Variants in GLMN observed in about 807,000 individuals in gnomAD.
GLMN encodes glomulin, FKBP associated protein.
A neutral mutation model predicts 87.8 loss-of-function variants in GLMN; 75 were observed. The ratio of observed to expected loss-of-function variants is 0.85; its 90% CI spans 0.71 to 1.04. GLMN has a LOEUF of 1.04. Ranked by LOEUF, GLMN falls within the 50% of genes least tolerant of loss-of-function variation. GLMN has a pLI of 0.00. For synonymous variants in GLMN, 206 were observed against 221.6 expected (o/e 0.93, Z 0.63); for missense variants, 588 against 658.8 (o/e 0.89, Z 1.18).
Position 92,264,603 on chromosome 1 carries a change from T to C in GLMN, c.1250A>G (p.Glu417Gly). ...TTTGATATTTTGAATAATAAAAGCC[T>C]CCACACCTGAGTGATTACTTGTATT... is the stretch of plus-strand genomic sequence containing the variant. ...LLNTSNHSGV[E>G]AFIIQNIKNQ... Residue 417 changes from glutamate to glycine, a missense_variant, in exon 14 of 19, where the codon GAG (glutamate) becomes GGG (glycine). Physicochemically the swap from Glu to Gly is moderately conservative, Grantham distance 98. Coordinates refer to ENST00000370360, the MANE Select transcript of GLMN (RefSeq NM_053274.3). The C allele has an allele frequency of 6.3e-7, 1 of 1,593,170 alleles. No individual in the cohort carries two copies. Among genetic ancestry groups the C allele is most frequent in the Non-Finnish European group, 8.6e-7 (1 of 1,161,076 alleles).
chr1:92,349,805 G>A, the GLMN span, among the ~76,000 whole-genome samples: 1 of 152,114 alleles, frequency 6.6e-6, no homozygotes, highest in African/African-American at 2.4e-5. Flanking sequence ...GCATATGTCT[G>A]TAGTCCTAGC....
At chr1:92,369,790 T>C in the GLMN span, among the ~76,000 whole-genome samples, 2 of 152,168 alleles carry the variant, frequency 1.3e-5, no homozygotes, top group African/African-American at 4.8e-5. Flanking sequence ...GGGGAGTCAA[T>C]TTAACAAAAG....
intron 16 of GLMN, among the ~76,000 whole-genome samples, chr1:92,248,763 A>C (rs565240839): frequency 6.6e-6 from 1 of 150,936 alleles, no homozygotes; most frequent in South Asian, 2.1e-4. Context: ...TACTTGCAGC[A>C]TTCCAAATAA....
At chr1:92,254,137 C>A (rs1653913180) in intron 16 of GLMN, among the ~76,000 whole-genome samples, 1 of 152,024 alleles carries the variant, frequency 6.6e-6, no homozygotes, top group Non-Finnish European at 1.5e-5. Context: ...GTATCAATAG[C>A]TGAATCGATC....
intron 13 of GLMN, 71 bp from the exon 14 acceptor site, chr1:92,264,709 T>A: frequency 1.1e-6 from 1 of 878,298 alleles, no homozygotes; most frequent in African/African-American, 1.6e-5. Context: ...GATAAAAGTT[T>A]TACAAATTCA....
At chr1:92,291,665 A>G in intron 3 of GLMN, 128 bp from the exon 4 acceptor site, 1 of 873,652 alleles carries the variant, frequency 1.1e-6, no homozygotes, top group Non-Finnish European at 1.9e-6. Context: ...AGCCTATGAC[A>G]TTTCACCAGA....
chr1:92,263,019 TAGGTTTGCC>T (rs1169475119), intron 15 of GLMN, 93 bp from the exon 16 acceptor site: 4 of 609,934 alleles, frequency 6.6e-6, no homozygotes, highest in Non-Finnish European at 1.2e-5. Flanking sequence ...TTTTTATAAT[TAGGTTTGCC>T]AATAGAAACT....
intron 7 of GLMN, among the ~76,000 whole-genome samples, chr1:92,279,910 C>T (rs1200936444): frequency 1.3e-5 from 2 of 151,950 alleles, no homozygotes; most frequent in East Asian, 1.9e-4. Flanking sequence ...AAGGGGTGTC[C>T]GCCATTGCTG....
At chr1:92,333,512 TA>T in the GLMN span, 1 of 1,373,952 alleles carries the variant, frequency 7.3e-7, no homozygotes, top group Middle Eastern at 1.8e-4. Flanking sequence ...GTAGTAGTTT[TA>T]AATTAACTTG....
chr1:92,258,436 A>G (rs972021178), intron 16 of GLMN, among the ~76,000 whole-genome samples: 2 of 152,232 alleles, frequency 1.3e-5, no homozygotes, highest in Non-Finnish European at 2.9e-5. Flanking sequence ...TCATTCTACT[A>G]TAAAGACACA....
chr1:92,249,021 TTAAAA>T (rs1314803773), intron 16 of GLMN, among the ~76,000 whole-genome samples: 2 of 152,094 alleles, frequency 1.3e-5, no homozygotes, highest in African/African-American at 4.8e-5. Context: ...AACATTAGAA[TTAAAA>T]TAACTCAACA....
chr1:92,267,444 C>G (rs141526378), intron 11 of GLMN, among the ~76,000 whole-genome samples: 137 of 152,224 alleles, frequency 9.0e-4, no homozygotes, highest in African/African-American at 3.1e-3. Flanking sequence ...TGGCTCACAC[C>G]TGTAATCCCA....
intron 7 of GLMN, among the ~76,000 whole-genome samples, chr1:92,281,823 C>G (rs951995358): frequency 1.3e-5 from 2 of 151,654 alleles, no homozygotes; most frequent in Non-Finnish European, 2.9e-5. Context: ...GGGTTGCAAT[C>G]CTAGTCTCTG....
chr1:92,301,835 A>G (rs1650878062), upstream of GLMN, among the ~76,000 whole-genome samples: 2 of 152,250 alleles, frequency 1.3e-5, no homozygotes, highest in South Asian at 2.1e-4. Context: ...GTATATTTCA[A>G]AATTAATAAG....
At chr1:92,294,050 C>T (rs1649745369) in intron 3 of GLMN, among the ~76,000 whole-genome samples, 1 of 150,540 alleles carries the variant, frequency 6.6e-6, no homozygotes, top group South Asian at 2.1e-4. Context: ...TTTGATAGCA[C>T]AACAGGGTGA....
rs35258161 is a variant in GLMN at position 92,268,106 on chromosome 1, A to G, written c.1007T>C (p.Leu336Ser). Residue 336 changes from leucine (L) to serine (S), a missense_variant and splice_region_variant, in exon 10 of 19, where the codon TTG (leucine) becomes TCG (serine). Coordinates refer to ENST00000370360, the MANE Select transcript of GLMN (RefSeq NM_053274.3). The part of the protein sequence containing the change: ...RTEESVISKG[L>S]ELLENSLLRI... ...TTATAATGGGAACAAACATCTTACC[A>G]ATCCTTTGGAGATAACAGACTCTTC... 2.0e-3 allele frequency: 2,854 copies of G among 1,453,972 alleles called. 50 individuals carry two copies. The African/African-American group carries it at 0.036, about 18-fold the overall frequency. The allele number at this position is 1,453,972 out of a possible 1,614,324, so 90.1% of individuals were successfully genotyped here. A position where few individuals can be genotyped will look rare whatever the true frequency, so the allele number is the denominator to read the frequency against.
Position 92,259,736 on chromosome 1 carries a change from T to C in GLMN, c.1473+3127A>G, listed in dbSNP as rs111708804. ...TGTTTTTTCTTTTTTTTCTTTCTTT[T>C]TTTTTTTTTTTTTTTTGAGACAGAC... On this transcript the variant is annotated intron_variant, in intron 16 of 18. Transcript: ENST00000370360. 3.2e-3 allele frequency among the ~76,000 whole-genome samples: 416 copies of C among 130,792 alleles called. 2 individuals are homozygous for C. Among genetic ancestry groups the C allele is most frequent in the African/African-American group, 0.013 (387 of 29,362 alleles). 85.8% of individuals were successfully genotyped at this position (130,792 alleles called of 152,430 possible). A position where few individuals can be genotyped will look rare whatever the true frequency, so the allele number is the denominator to read the frequency against.
chr1:92,271,099 A>T (rs1439166411), intron 8 of GLMN, among the ~76,000 whole-genome samples: 1 of 152,184 alleles, frequency 6.6e-6, no homozygotes, highest in East Asian at 1.9e-4. Flanking sequence ...AATTAAAAGG[A>T]AGTAAAAGTA....
intron 16 of GLMN, among the ~76,000 whole-genome samples, chr1:92,258,751 C>G (rs553177580): frequency 4.7e-4 from 72 of 152,124 alleles, no homozygotes; most frequent in African/African-American, 1.7e-3. Flanking sequence ...CGGGGCCTGT[C>G]AGGGTTCGGG....
Sources: allele counts gnomAD v4.1 joint callset (sites outside exome capture counted in the v4.1 genomes callset), GRCh38; gene constraint gnomAD v4.1.1; transcripts MANE v1.5; gene names NCBI Gene and HGNC (gene_info 2026-07-23, HGNC 2026-07-21).